The following MAST2 variants were observed in gnomAD, a reference collection of about 807,000 sequenced individuals.
The protein encoded by MAST2 is microtubule-associated serine/threonine-protein kinase 2.
In MAST2, 70 loss-of-function variants were observed where a neutral mutation model predicts 147.4. That is an observed-to-expected ratio of 0.47 (90% CI 0.39 to 0.58). The LOEUF is 0.58. MAST2 is among the 20% of genes least tolerant of loss of function. The pLI, the probability that MAST2 is intolerant of heterozygous loss-of-function variation, is 0.00. For missense variants in MAST2, 2,080 were observed against 2,302.3 expected (o/e 0.90, Z 1.98); for synonymous variants, 869 against 896.8 (o/e 0.97, Z 0.55).
intron 21 of MAST2, 121 bp from the exon 22 acceptor site, chr1:46,030,486 G>A (rs1646604173): frequency 1.3e-5 from 15 of 1,198,346 alleles, no homozygotes; most frequent in Non-Finnish European, 1.7e-5. Flanking sequence ...GCAGGGGTGT[G>A]TGAAGGAGGG....
chr1:45,811,247 G>A (rs1644285905), intron 1 of MAST2, among the ~76,000 whole-genome samples: 1 of 148,782 alleles, frequency 6.7e-6, no homozygotes, highest in African/African-American at 2.5e-5. Context: ...GCTCACTGCA[G>A]CCTCCCCCTG....
chr1:45,849,608 G>C (rs1645558318), intron 3 of MAST2, among the ~76,000 whole-genome samples: 1 of 151,266 alleles, frequency 6.6e-6, no homozygotes, highest in Non-Finnish European at 1.5e-5. Flanking sequence ...CTCACTGCAA[G>C]CTCCACCTCC....
chr1:46,032,959 TG>T (rs1163357766), intron 26 of MAST2, among the ~76,000 whole-genome samples: 1 of 139,718 alleles, frequency 7.2e-6, no homozygotes. Context: ...GGTGAAACCC[TG>T]CCTCTACTAA....
chr1:45,916,974 A>C (rs1228317382), intron 4 of MAST2, among the ~76,000 whole-genome samples: 1 of 152,220 alleles, frequency 6.6e-6, no homozygotes, highest in Non-Finnish European at 1.5e-5. Flanking sequence ...GCTACTTGGG[A>C]GGCTGAGGCA....
intron 1 of MAST2, among the ~76,000 whole-genome samples, chr1:45,813,355 A>C (rs561431984): frequency 2.0e-5 from 3 of 151,444 alleles, no homozygotes; most frequent in Non-Finnish European, 4.4e-5. Flanking sequence ...TTTGAGACCG[A>C]GTCTTGCTCT....
chr1:45,862,672 G>A (rs1384682759), intron 3 of MAST2, among the ~76,000 whole-genome samples: 1 of 152,012 alleles, frequency 6.6e-6, no homozygotes, highest in Non-Finnish European at 1.5e-5. Context: ...GTTTTGCCTT[G>A]TTGGCCAGGC....
At chr1:45,833,402 A>T (rs79367681) in intron 3 of MAST2, among the ~76,000 whole-genome samples, 9 of 122,218 alleles carry the variant, frequency 7.4e-5, no homozygotes, top group African/African-American at 2.5e-4. Flanking sequence ...TCTTCTTCTT[A>T]AAAAAAAATT....
At chr1:45,892,820 G>A (rs1399538788) in intron 4 of MAST2, among the ~76,000 whole-genome samples, 1 of 152,156 alleles carries the variant, frequency 6.6e-6, no homozygotes, top group East Asian at 1.9e-4. Context: ...AGTTGTTTTT[G>A]TCACATGTAA....
intron 1 of MAST2, among the ~76,000 whole-genome samples, chr1:45,809,432 C>G (rs1307521963): frequency 6.6e-6 from 1 of 152,096 alleles, no homozygotes; most frequent in Non-Finnish European, 1.5e-5. Flanking sequence ...TGCTTGAGCT[C>G]AGGAGTTTGA....
chr1:45,921,077 G>A (rs1356001521), intron 4 of MAST2, among the ~76,000 whole-genome samples: 1 of 152,122 alleles, frequency 6.6e-6, no homozygotes, highest in Non-Finnish European at 1.5e-5. Context: ...CTCACTGCAA[G>A]CTCCATCTCC....
chr1:45,943,875 A>G (rs1005002665), intron 4 of MAST2, among the ~76,000 whole-genome samples: 5 of 152,240 alleles, frequency 3.3e-5, no homozygotes, highest in Non-Finnish European at 7.3e-5. Context: ...ACAGCTGATC[A>G]CAAGCCTTTG....
Position 46,031,549 on chromosome 1 carries a change from G to T in MAST2, c.3151G>T (p.Ala1051Ser), listed in dbSNP as rs751193932. Residue 1051 changes from alanine to serine, a missense_variant, in exon 24 of 29, where the codon GCC (alanine) becomes TCC (serine). Coordinates refer to ENST00000361297, the MANE Select transcript of MAST2 (RefSeq NM_015112.3). This position sits in a 1 kb window ranked among gnomAD's most constrained non-coding sequence, Gnocchi z 4.1. Reference protein sequence around the residue: ...ARPVNKVIKSASATALSLLIP... With the variant: ...ARPVNKVIKSSSATALSLLIP... ...CCCTGTCAACAAAGTGATCAAGTCC[G>T]CCTCAGCCACAGCCCTCTCACTCCT... The T allele has an allele frequency of 2.6e-5, 42 of 1,614,026 alleles. No individual in the cohort carries two copies. Among genetic ancestry groups the T allele is most frequent in the Non-Finnish European group, 3.5e-5 (41 of 1,179,878 alleles).
At chr1:45,903,063 T>A (rs1005528288) in intron 4 of MAST2, among the ~76,000 whole-genome samples, 1 of 151,766 alleles carries the variant, frequency 6.6e-6, no homozygotes, top group African/African-American at 2.4e-5. Context: ...TTAGCTATGA[T>A]GTTAGGTTGT....
chr1:45,966,170 C>T (rs576488524), intron 5 of MAST2, among the ~76,000 whole-genome samples: 3 of 152,254 alleles, frequency 2.0e-5, no homozygotes, highest in Admixed American at 2.0e-4. Context: ...ACTGAAGTTT[C>T]CTCCATGTCT....
chr1:45,978,490 T>C (rs1455121301), intron 5 of MAST2, among the ~76,000 whole-genome samples: 1 of 152,066 alleles, frequency 6.6e-6, no homozygotes, highest in Non-Finnish European at 1.5e-5. Context: ...CACTCCAGCC[T>C]GGGCAACAGA....
intron 4 of MAST2, among the ~76,000 whole-genome samples, chr1:45,933,232 A>AG: frequency 1.7e-5 from 2 of 118,148 alleles, no homozygotes; most frequent in East Asian, 5.7e-4. Context: ...CTTTAAAAAA[A>AG]AAAAGCGGGG....
intron 3 of MAST2, among the ~76,000 whole-genome samples, chr1:45,882,065 G>A (rs1401701034): frequency 4.7e-5 from 7 of 149,014 alleles, no homozygotes; most frequent in African/African-American, 7.4e-5. Flanking sequence ...GGTGGCGGGT[G>A]CCTGTAGTCC....
At chr1:45,961,159 A>G (rs565459136) in intron 5 of MAST2, among the ~76,000 whole-genome samples, 26 of 152,130 alleles carry the variant, frequency 1.7e-4, no homozygotes, top group African/African-American at 6.0e-4. Flanking sequence ...AGATACCACC[A>G]AGAGAACAGG....
chr1:46,001,900 T>C (rs1031679685), intron 6 of MAST2, among the ~76,000 whole-genome samples: 4 of 152,202 alleles, frequency 2.6e-5, no homozygotes, highest in Admixed American at 6.5e-5. Flanking sequence ...AGATCCTCCA[T>C]TGCTGATAGT....
Sources: allele counts gnomAD v4.1 joint callset (sites outside exome capture counted in the v4.1 genomes callset), GRCh38; gene constraint gnomAD v4.1.1; non-coding constraint Gnocchi (gnomAD v3.1); transcripts MANE v1.5; gene names NCBI Gene and HGNC (gene_info 2026-07-23, HGNC 2026-07-21).